PNP: variants seen among roughly 807,000 people sequenced by gnomAD.
PNP encodes the protein HEL-S-156an.
Under a neutral mutation model 26.8 loss-of-function variants are expected in PNP, and 18 were observed. The observed-to-expected ratio is 0.67, with a 90% CI of 0.46 to 1.00. PNP has a LOEUF of 1.00. Ranked by LOEUF, PNP falls within the 50% of genes least tolerant of loss-of-function variation. PNP has a pLI of 0.00. For missense variants in PNP, 320 were observed against 362.9 expected (o/e 0.88, Z 0.96); for synonymous variants, 116 against 124.8 (o/e 0.93, Z 0.47).
At chr14:20,474,679 C>G in intron 3 of PNP, 94 bp from the exon 4 acceptor site, 1 of 1,560,652 alleles carries the variant, frequency 6.4e-7, no homozygotes, top group Non-Finnish European at 8.8e-7. Flanking sequence ...TTTTGGTCCT[C>G]TCCTTCCTTT....
intron 1 of PNP, 46 bp from the exon 2 acceptor site, chr14:20,472,262 C>T: frequency 6.4e-7 from 1 of 1,553,330 alleles, no homozygotes. Context: ...TCTGTGATGC[C>T]CTTGGAATGG....
At chr14:20,472,156 A>G (rs2035847613) in intron 1 of PNP, 152 bp from the exon 2 acceptor site, 1 of 734,776 alleles carries the variant, frequency 1.4e-6, no homozygotes, top group South Asian at 1.4e-5. Context: ...GGCTGAGTAG[A>G]TGGAAGAGCA....
At position 20,475,069 on chromosome 14, in the gene PNP, G is replaced by A. The variant is rs141543277; in HGVS notation, c.469G>A (p.Asp157Asn). 162 of 1,614,110 alleles carry A rather than the reference G, an allele frequency of 1.0e-4. No homozygotes were observed. Among genetic ancestry groups the A allele is most frequent in the Non-Finnish European group, 1.3e-4 (154 of 1,180,044 alleles). ...ATTCAACCTGTGTCCTAGGTTTGGA[G>A]ATCGTTTCCCTGCCATGTCTGATGC... ...LRGPNDERFGDRFPAMSDAYD... is the reference protein window; with the variant it reads ...LRGPNDERFGNRFPAMSDAYD... The change falls in exon 5 of 6, where the codon GAT becomes AAT. Residue 157 changes from aspartate (D) to asparagine (N), a missense_variant. By Grantham distance (23) the Asp-to-Asn change is conservative (BLOSUM62 1). Coordinates refer to ENST00000361505, the MANE Select transcript of PNP (RefSeq NM_000270.4).
At chr14:20,474,419 T>C in intron 2 of PNP, 53 bp from the exon 3 acceptor site, 1 of 1,434,632 alleles carries the variant, frequency 7.0e-7, no homozygotes, top group South Asian at 1.2e-5. Flanking sequence ...TTAATGGATA[T>C]GTGTTGCATG....
chr14:20,470,798 A>G (rs1314421004), intron 1 of PNP: 4 of 152,262 alleles, frequency 2.6e-5, no homozygotes, highest in Non-Finnish European at 5.9e-5. Flanking sequence ...AGATTCAAAT[A>G]CTTTGTGTAA....
chr14:20,472,504 G>A (rs1566524557), intron 2 of PNP, 27 bp downstream of exon 2: 1 of 1,603,948 alleles, frequency 6.2e-7, no homozygotes, highest in African/African-American at 1.3e-5. Context: ...GTGGGGAATG[G>A]GACTGAGGGA....
chr14:20,476,843 T>A lies in PNP; in HGVS notation c.*242T>A. 2 of 523,206 alleles carry A rather than the reference T, an allele frequency of 3.8e-6. No homozygotes were observed. Among genetic ancestry groups the A allele is most frequent in the South Asian group, 4.0e-5 (2 of 49,926 alleles). 32.4% of individuals were successfully genotyped at this position (523,206 alleles called of 1,614,324 possible). A position where few individuals can be genotyped will look rare whatever the true frequency, so the allele number is the denominator to read the frequency against. On this transcript the variant is annotated 3_prime_UTR_variant, in exon 6 of 6. Transcript: ENST00000361505. ...GCGCTACAAAATAAAGCTGTTCTCA[T>A]TCCTGTTCTTTCTTACACAAGAGCT...
intron 2 of PNP, chr14:20,473,492 G>A (rs1280893671): frequency 6.6e-6 from 1 of 152,222 alleles, no homozygotes; most frequent in African/African-American, 2.4e-5. Context: ...AGGTAATTAA[G>A]TTAGGGCAAT....
chr14:20,475,343 A>G, intron 5 of PNP, 91 bp downstream of exon 5: 1 of 1,090,196 alleles, frequency 9.2e-7, no homozygotes, highest in East Asian at 2.4e-5. Flanking sequence ...GCCTCATTGG[A>G]CTGAGAGGAT....
In PNP at chr14:20,474,583, A is replaced by G. The variant is rs377148282; in HGVS notation, c.285+8A>G. ...GGGTACCCACTCTGGAAGGTAAGTC[A>G]GAGGGATAGGTCCGGTTGGATCTGG... is the stretch of plus-strand genomic sequence containing the variant. On this transcript the variant is annotated splice_region_variant and intron_variant, in intron 3 of 5. Coordinates refer to ENST00000361505, the MANE Select transcript of PNP (RefSeq NM_000270.4). 23 of 1,610,662 alleles carry G rather than the reference A, an allele frequency of 1.4e-5. No individual in the cohort carries two copies. Among genetic ancestry groups the G allele is most frequent in the Non-Finnish European group, 1.9e-5 (22 of 1,176,980 alleles).
intron 5 of PNP, 42 bp downstream of exon 5, chr14:20,475,294 T>C (rs937580307): frequency 3.8e-6 from 6 of 1,564,780 alleles, no homozygotes; most frequent in African/African-American, 1.4e-5. Context: ...GAGGGAGGGG[T>C]TTAGCAAAAT....
intron 2 of PNP, chr14:20,472,701 TAA>T (rs1882013684): frequency 1.3e-5 from 8 of 616,468 alleles, no homozygotes; most frequent in Non-Finnish European, 2.0e-5. Context: ...GGACTGAGGC[TAA>T]GACTCAGAAG....
rs374377455 is a variant in PNP at position 20,474,914 on chromosome 14, G to T, written c.427G>T (p.Gly143Cys). 6.2e-7 allele frequency: 1 copy of T among 1,613,944 alleles called. No individual in the cohort carries two copies. Among genetic ancestry groups the T allele is most frequent in the Non-Finnish European group, 8.5e-7 (1 of 1,180,024 alleles). ...RDHINLPGFS[G>C]QNPLRGPNDE... ...CCATATCAACCTACCTGGTTTCAGT[G>T]GTCAGAACCCTCTCAGAGGGCCCAA... Residue 143 changes from glycine (G) to cysteine (C), a missense_variant, in exon 4 of 6, where the codon GGT becomes TGT. Gly to Cys is a radical substitution (Grantham distance 159). Transcript: ENST00000361505.
chr14:20,474,410 T>G (rs1594427112), intron 2 of PNP, 62 bp from the exon 3 acceptor site: 2 of 1,367,674 alleles, frequency 1.5e-6, no homozygotes, highest in East Asian at 4.6e-5. Context: ...AGTAGGTGCT[T>G]AATGGATATG....
intron 2 of PNP, chr14:20,472,874 G>A (rs1209927345): frequency 2.5e-5 from 6 of 240,360 alleles, no homozygotes; most frequent in Non-Finnish European, 4.1e-5. Context: ...CTGTCAGCAG[G>A]AAAAGACCTT....
At chr14:20,471,468 G>A (rs866825714) in intron 1 of PNP, among the ~76,000 whole-genome samples, 2 of 152,008 alleles carry the variant, frequency 1.3e-5, no homozygotes, top group South Asian at 2.1e-4. Context: ...AGGCTGGAGT[G>A]CCAGAATCTG....
At chr14:20,475,320 T>G in intron 5 of PNP, 68 bp downstream of exon 5, 1,015 of 1,189,944 alleles carry the variant, frequency 8.5e-4, no homozygotes, top group Non-Finnish European at 1.1e-3. Flanking sequence ...GGGGAAGGAG[T>G]AGGAAATAAC....
chr14:20,469,407 A>G lies in PNP; in HGVS notation c.-118A>G, dbSNP rs1881934106. On this transcript the variant is annotated 5_prime_UTR_variant, in exon 1 of 6. Coordinates refer to ENST00000361505, the MANE Select transcript of PNP (RefSeq NM_000270.4). ...AGCCAGAGCCTAGACCAGTGAGCCA[A>G]CTGTGCGAACCAGACCCGGCAGCCT... is the stretch of plus-strand genomic sequence containing the variant. 1.4e-6 allele frequency: 2 copies of G among 1,380,026 alleles called. No individual in the cohort carries two copies. Among genetic ancestry groups the G allele is most frequent in the East Asian group, 5.0e-5 (2 of 40,198 alleles). The allele number at this position is 1,380,026 out of a possible 1,614,324, so 85.5% of individuals were successfully genotyped here.
rs755580654 is a variant in PNP at position 20,476,373 on chromosome 14, C to T, written c.653-11C>T. The T allele has an allele frequency of 6.2e-7, 1 of 1,603,656 alleles. No individual in the cohort carries two copies. The highest frequency in any genetic ancestry group is 1.7e-5 in the Admixed American group (1 of 60,010). On this transcript the variant is annotated splice_polypyrimidine_tract_variant and intron_variant, in intron 5 of 5. Transcript: ENST00000361505. Reference sequence around the variant, plus strand: ...ATCCTGACAGTTGGTTTCCATCTTTCTCACTATCAGGCATGAGTACAGTAC... The same window carrying T: ...ATCCTGACAGTTGGTTTCCATCTTTTTCACTATCAGGCATGAGTACAGTAC...
Sources: allele counts gnomAD v4.1 joint callset (sites outside exome capture counted in the v4.1 genomes callset), GRCh38; gene constraint gnomAD v4.1.1; transcripts MANE v1.5; gene names NCBI Gene and HGNC (gene_info 2026-07-23, HGNC 2026-07-21).